NSD3: variants seen among roughly 807,000 people sequenced by gnomAD.
The protein encoded by NSD3 is nuclear receptor binding SET domain protein 3.
A neutral mutation model predicts 160.8 loss-of-function variants in NSD3; 24 were observed. That is an observed-to-expected ratio of 0.15 (90% CI 0.11 to 0.21). The LOEUF is 0.21. Among genes scored for constraint, NSD3 ranks in the 10% least tolerant of loss-of-function variants. NSD3 has a pLI of 1.00. For missense variants in NSD3, 1,157 were observed against 1,735.9 expected (o/e 0.67, Z 5.93); for synonymous variants, 520 against 600.0 (o/e 0.87, Z 1.95).
chr8:38,336,578 T>C (rs1468527769), intron 4 of NSD3, among the ~76,000 whole-genome samples: 2 of 152,148 alleles, frequency 1.3e-5, no homozygotes, highest in African/African-American at 2.4e-5. Flanking sequence ...AAAAAATTAC[T>C]ATCCATAGCA....
chr8:38,308,290 G>C (rs1809453630), intron 12 of NSD3, among the ~76,000 whole-genome samples: 1 of 152,078 alleles, frequency 6.6e-6, no homozygotes, highest in African/African-American at 2.4e-5. Context: ...CAGAAATAAA[G>C]TACAGTAAGG....
intron 12 of NSD3, among the ~76,000 whole-genome samples, 184 bp from the exon 13 acceptor site, chr8:38,305,629 T>A (rs1009073634): frequency 6.6e-6 from 1 of 152,250 alleles, no homozygotes; most frequent in African/African-American, 2.4e-5. Flanking sequence ...TTTGCTAGAA[T>A]AATTGATTAT....
chr8:38,293,824 G>GA (rs1435706487), intron 16 of NSD3, among the ~76,000 whole-genome samples: 2 of 141,574 alleles, frequency 1.4e-5, no homozygotes, highest in Middle Eastern at 3.6e-3. Flanking sequence ...TTGGGAGGCT[G>GA]AAGCAGGAGA....
intron 23 of NSD3, 50 bp from the exon 24 acceptor site, chr8:38,275,932 C>T: frequency 1.3e-6 from 2 of 1,531,402 alleles, no homozygotes; most frequent in South Asian, 1.2e-5. Flanking sequence ...AAGTTAGTGC[C>T]TGTCTTGATT....
intron 4 of NSD3, among the ~76,000 whole-genome samples, chr8:38,332,366 G>T (rs1020855803): frequency 6.6e-6 from 1 of 152,026 alleles, no homozygotes; most frequent in Non-Finnish European, 1.5e-5. Flanking sequence ...TGAACTCCTG[G>T]GCTCAAGCAA....
intron 1 of NSD3, among the ~76,000 whole-genome samples, chr8:38,367,333 A>G (rs925509745): frequency 3.3e-5 from 5 of 152,210 alleles, no homozygotes; most frequent in Non-Finnish European, 7.3e-5. Context: ...TGGGAAAATG[A>G]GCTGTGATTC....
intron 12 of NSD3, among the ~76,000 whole-genome samples, chr8:38,312,775 C>A (rs1302477806): frequency 6.6e-6 from 1 of 152,150 alleles, no homozygotes; most frequent in Non-Finnish European, 1.5e-5. Flanking sequence ...CAAGCAGATA[C>A]TGGCACTATC....
At chr8:38,380,238 A>T (rs1038313491) in intron 1 of NSD3, among the ~76,000 whole-genome samples, 1 of 152,240 alleles carries the variant, frequency 6.6e-6, no homozygotes, top group Non-Finnish European at 1.5e-5. Context: ...TAACACGCTC[A>T]TCACCTATAA....
In NSD3 at chr8:38,334,804, A is replaced by G. The variant is rs533870850; in HGVS notation, c.910+2501T>C. Among the ~76,000 whole-genome samples, 6 of 152,196 alleles carry G rather than the reference A, an allele frequency of 3.9e-5. No homozygotes were observed. In the South Asian group the frequency reaches 1.2e-3, roughly 32 times the overall value. On this transcript the variant is annotated intron_variant, in intron 4 of 23. Coordinates refer to ENST00000317025, the MANE Select transcript of NSD3 (RefSeq NM_023034.2). ...AGGTGAATTTTATGATATGAGAATT[A>G]TATTTCAATAAAGTTTTTAAAACTA...
At position 38,332,482 on chromosome 8, in the gene NSD3, G is replaced by A. The variant is rs543450187; in HGVS notation, c.911-897C>T. Among the ~76,000 whole-genome samples the A allele has an allele frequency of 8.5e-5, 13 of 152,202 alleles. No homozygotes were observed. The East Asian group carries it at 1.5e-3, about 18-fold the overall frequency. On this transcript the variant is annotated intron_variant, in intron 4 of 23. Transcript: ENST00000317025. ...TTAAATAACATTAGATATAACCCAC[G>A]TAAACAAAAGCCTTTTTGAGTCCTC... is the stretch of plus-strand genomic sequence containing the variant.
At chr8:38,310,943 T>C (rs1171159945) in intron 12 of NSD3, among the ~76,000 whole-genome samples, 1 of 152,114 alleles carries the variant, frequency 6.6e-6, no homozygotes, top group Non-Finnish European at 1.5e-5. Context: ...CCACCAACAA[T>C]GCACAAGGGT....
At chr8:38,308,794 C>T (rs1208855732) in intron 12 of NSD3, among the ~76,000 whole-genome samples, 1 of 152,020 alleles carries the variant, frequency 6.6e-6, no homozygotes, top group Non-Finnish European at 1.5e-5. Flanking sequence ...CCAGCCTGGG[C>T]GACAGAGCAA....
intron 14 of NSD3, among the ~76,000 whole-genome samples, chr8:38,300,966 T>C (rs951943761): frequency 6.6e-6 from 1 of 152,044 alleles, no homozygotes; most frequent in African/African-American, 2.4e-5. Context: ...AATATGACAA[T>C]CTTCTTTTTG....
rs1808509216 is a variant in NSD3, at chr8:38,272,593, G to C, written c.*3048C>G. The C allele has an allele frequency of 1.3e-5, 2 of 152,154 alleles. No homozygotes were observed. The highest frequency in any genetic ancestry group is 4.8e-5 in the African/African-American group (2 of 41,432). 9.4% of individuals were successfully genotyped at this position (152,154 alleles called of 1,614,324 possible). A position where few individuals can be genotyped will look rare whatever the true frequency, so the allele number is the denominator to read the frequency against. On this transcript the variant is annotated 3_prime_UTR_variant, in exon 24 of 24. Transcript: ENST00000317025. ...TTCATCTTTAGCTCTTACTGATCCA[G>C]TTTCTGAAGCTTTAGGCTGATTATC...
rs756309079 is a variant in NSD3 at position 38,315,475 on chromosome 8, T to C, written c.2056A>G (p.Met686Val). The change falls in exon 11 of 24, where the codon ATG (methionine) becomes GTG (valine). Residue 686 changes from methionine to valine, a missense_variant. Physicochemically the swap from Met to Val is conservative, Grantham distance 21. Transcript: ENST00000317025. Reference sequence around the variant, plus strand: ...CCTCTTCTCGACAAACTTGAATCCATGGACTGCACATCAGAAACGTCTGCA... The same window carrying C: ...CCTCTTCTCGACAAACTTGAATCCACGGACTGCACATCAGAAACGTCTGCA... ...ADADVSDVQSMDSSLSRRGTG... is the reference protein window; with the variant it reads ...ADADVSDVQSVDSSLSRRGTG... 6.8e-6 allele frequency: 11 copies of C among 1,611,422 alleles called. No individual in the cohort carries two copies. The highest frequency in any genetic ancestry group is 1.3e-5 in the African/African-American group (1 of 74,880).
Position 38,299,583 on chromosome 8 carries a change from T to A in NSD3, c.2619A>T (p.Ile873=). The part of the protein sequence containing the change: ...GFCFVCARGL[I]VQDHSDPMFS... Reference sequence around the variant, plus strand: ...ACATGGGGTCTGAATGGTCCTGAACTATCAGCCCTATACGAAACAAACAGA... The same window carrying A: ...ACATGGGGTCTGAATGGTCCTGAACAATCAGCCCTATACGAAACAAACAGA... Residue 873 remains isoleucine, a synonymous_variant, in exon 15 of 24, where the codon ATA becomes ATT. Transcript: ENST00000317025. 6.3e-7 allele frequency: 1 copy of A among 1,589,728 alleles called. No individual in the cohort carries two copies. The highest frequency in any genetic ancestry group is 2.3e-5 in the East Asian group (1 of 44,074).
chr8:38,338,866 G>A (rs1344241980), intron 2 of NSD3, among the ~76,000 whole-genome samples: 1 of 152,058 alleles, frequency 6.6e-6, no homozygotes, highest in Non-Finnish European at 1.5e-5. Context: ...TCTAGGCCGG[G>A]TGCAGTAGCT....
At chr8:38,338,305 G>GA (rs201783553) in intron 3 of NSD3, among the ~76,000 whole-genome samples, 29,969 of 96,264 alleles carry the variant, frequency 0.31, 3,250 homozygotes, top group East Asian at 0.39. Context: ...GTCTCAAAAA[G>GA]AAAAAAAAAA....
At chr8:38,306,687 C>G (rs931212139) in intron 12 of NSD3, among the ~76,000 whole-genome samples, 3 of 151,820 alleles carry the variant, frequency 2.0e-5, no homozygotes, top group Non-Finnish European at 4.4e-5. Flanking sequence ...AGAAAAAAAC[C>G]AAAGCAGCCT....
Sources: allele counts gnomAD v4.1 joint callset (sites outside exome capture counted in the v4.1 genomes callset), GRCh38; gene constraint gnomAD v4.1.1; transcripts MANE v1.5; gene names NCBI Gene and HGNC (gene_info 2026-07-23, HGNC 2026-07-21).